COL4A1: variants seen among roughly 807,000 people sequenced by gnomAD.
COL4A1 encodes the protein collagen alpha-1(IV) chain.
A neutral mutation model predicts 216.6 loss-of-function variants in COL4A1; 40 were observed. The observed-to-expected ratio is 0.18, with a 90% confidence interval of 0.14 to 0.24. COL4A1 has a LOEUF of 0.24. Ranked by LOEUF, COL4A1 falls within the 10% of genes least tolerant of loss-of-function variation. The pLI is 1.00. For synonymous variants in COL4A1, 839 were observed against 810.7 expected, an observed-to-expected ratio of 1.03 and a Z score of -0.59; for missense variants, 1,628 against 2,196.8, an observed-to-expected ratio of 0.74 and a Z score of 5.18.
chr13:110,257,390 T>A (rs991734277), intron 1 of COL4A1, among the ~76,000 whole-genome samples: 3 of 152,108 alleles, frequency 2.0e-5, no homozygotes, highest in African/African-American at 7.2e-5. Context: ...AAACTCTCCA[T>A]AAGAATATGG....
intron 1 of COL4A1, among the ~76,000 whole-genome samples, chr13:110,300,027 A>G (rs540894040): frequency 6.6e-6 from 1 of 152,366 alleles, no homozygotes; most frequent in South Asian, 2.1e-4. Context: ...ATCTGAAAAT[A>G]AATTTTGATT....
intron 42 of COL4A1, among the ~76,000 whole-genome samples, 160 bp from the exon 43 acceptor site, chr13:110,169,922 A>AAAGAAGGAGGGAGGG (rs1877530438): frequency 2.8e-5 from 4 of 144,264 alleles, no homozygotes; most frequent in African/African-American, 9.9e-5. Flanking sequence ...TCCAGGAAGG[A>AAAGAAGGAGGGAGGG]AGGAAGGAGG....
chr13:110,203,652 G>T, intron 17 of COL4A1, 45 bp from the exon 18 acceptor site: 1 of 1,602,396 alleles, frequency 6.2e-7, no homozygotes, highest in Non-Finnish European at 8.6e-7. Flanking sequence ...TTACTATAAA[G>T]ATTGTCTTGC....
At chr13:110,192,022 G>C (rs1358321229) in intron 24 of COL4A1, among the ~76,000 whole-genome samples, 192 bp downstream of exon 24, 2 of 152,234 alleles carry the variant, frequency 1.3e-5, no homozygotes, top group Non-Finnish European at 2.9e-5. Flanking sequence ...TTTGGGCTCT[G>C]TGGGTAACAG....
intron 25 of COL4A1, among the ~76,000 whole-genome samples, chr13:110,186,869 CA>C (rs1159317295): frequency 1.3e-5 from 2 of 152,112 alleles, no homozygotes; most frequent in Non-Finnish European, 2.9e-5. Flanking sequence ...CCATCCAAAG[CA>C]AAAAGATACA....
chr13:110,241,582 AAG>A (rs1177648351), intron 2 of COL4A1, among the ~76,000 whole-genome samples: 1 of 152,214 alleles, frequency 6.6e-6, no homozygotes, highest in African/African-American at 2.4e-5. Flanking sequence ...AATCCAAAGT[AAG>A]AGAGCAGAGC....
At chr13:110,222,300 C>G (rs1880521371) in intron 2 of COL4A1, among the ~76,000 whole-genome samples, 1 of 152,152 alleles carries the variant, frequency 6.6e-6, no homozygotes, top group Non-Finnish European at 1.5e-5. Context: ...GGAGAAAACC[C>G]AAACTCTGGC....
intron 1 of COL4A1, among the ~76,000 whole-genome samples, chr13:110,245,131 T>G (rs1881738348): frequency 6.6e-6 from 1 of 152,146 alleles, no homozygotes; most frequent in Non-Finnish European, 1.5e-5. Flanking sequence ...AATGATTACC[T>G]GACTGCTCCA....
At chr13:110,220,634 G>A (rs1051307589) in intron 2 of COL4A1, among the ~76,000 whole-genome samples, 3 of 152,192 alleles carry the variant, frequency 2.0e-5, no homozygotes, top group African/African-American at 4.8e-5. Context: ...TCTAAAGCAC[G>A]TGGGGTTGTT....
chr13:110,242,844 C>G (rs1881626768), intron 1 of COL4A1, 110 bp from the exon 2 acceptor site: 2 of 1,205,444 alleles, frequency 1.7e-6, no homozygotes, highest in South Asian at 2.4e-5. Flanking sequence ...GAAGCCTGCC[C>G]TGTCCTTCGG....
At chr13:110,203,419 G>A (rs574540822) in intron 18 of COL4A1, 147 bp downstream of exon 18, 1 of 810,062 alleles carries the variant, frequency 1.2e-6, no homozygotes, top group African/African-American at 1.7e-5. Flanking sequence ...CTGTGGGTGT[G>A]TGCCCTGCAT....
At position 110,210,187 on chromosome 13, in the gene COL4A1, T is replaced by C. The variant is rs200805263; in HGVS notation, c.494A>G (p.His165Arg). Reference sequence around the variant, plus strand: ...ACCTTTCAACAGCATCCCGGGCACATGGCCAAGTATCTCACCTGGATCACC... The same window carrying C: ...ACCTTTCAACAGCATCCCGGGCACACGGCCAAGTATCTCACCTGGATCACC... ...MKGDPGEILG[H>R]VPGMLLKGER... The change falls in exon 9 of 52, where the codon CAT (histidine) becomes CGT (arginine). Residue 165 changes from histidine (H) to arginine (R), a missense_variant. Physicochemically the swap from His to Arg is conservative, Grantham distance 29. Around this residue, in one of 8 missense-constraint regions of COL4A1, gnomAD observed 150 missense variants for 211.9 expected, o/e 0.71. Transcript: ENST00000375820. The C allele has an allele frequency of 2.8e-4, 445 of 1,613,800 alleles. 6 individuals carry two copies. The South Asian group carries it at 4.6e-3, about 17-fold the overall frequency.
intron 20 of COL4A1, among the ~76,000 whole-genome samples, chr13:110,200,635 G>A (rs1430388923): frequency 6.6e-6 from 1 of 152,114 alleles, no homozygotes; most frequent in Non-Finnish European, 1.5e-5. Flanking sequence ...AGACATAAGG[G>A]TGTACATGTT....
chr13:110,212,724 G>A (rs1277019303), intron 4 of COL4A1, 106 bp from the exon 5 acceptor site: 3 of 1,324,650 alleles, frequency 2.3e-6, no homozygotes, highest in East Asian at 4.6e-5. Context: ...TTTGGTGTCA[G>A]AACACACACA....
intron 24 of COL4A1, chr13:110,191,076 C>T (rs1878606330): frequency 6.6e-6 from 1 of 152,262 alleles, no homozygotes; most frequent in African/African-American, 2.4e-5. Context: ...CAGGGCTACC[C>T]AGTTATTTGA....
intron 22 of COL4A1, among the ~76,000 whole-genome samples, chr13:110,194,185 G>C (rs1197256434): frequency 5.3e-5 from 8 of 152,162 alleles, no homozygotes; most frequent in Non-Finnish European, 1.5e-5. Flanking sequence ...GCCCAAGATC[G>C]CTTCCATTTC....
chr13:110,256,682 G>C (rs1373500931), intron 1 of COL4A1, among the ~76,000 whole-genome samples: 1 of 152,190 alleles, frequency 6.6e-6, no homozygotes, highest in Admixed American at 6.5e-5. Flanking sequence ...GGTCGGCCAT[G>C]GGGTGAGGGG....
intron 1 of COL4A1, among the ~76,000 whole-genome samples, chr13:110,297,935 A>G (rs78837862): frequency 6.7e-6 from 1 of 150,032 alleles, no homozygotes; most frequent in South Asian, 2.1e-4. Context: ...AAAAAAAAAA[A>G]GAGAGAGAGA....
In COL4A1 at chr13:110,284,384, G is replaced by A. The variant is rs561539190; in HGVS notation, c.84+22560C>T. 1.1e-4 allele frequency among the ~76,000 whole-genome samples: 16 copies of A among 152,258 alleles called. No homozygotes were observed. In the South Asian group the frequency reaches 2.7e-3, roughly 26 times the overall value. On this transcript the variant is annotated intron_variant, in intron 1 of 51. Coordinates refer to ENST00000375820, the MANE Select transcript of COL4A1 (RefSeq NM_001845.6). ...TTATAGGTGTTGATTTTGGGGGCTG[G>A]AGGCATAATCCCGAAATCAGTAAGC... is the stretch of plus-strand genomic sequence containing the variant.
Sources: gnomAD v4.1 joint callset for allele counts (sites outside exome capture counted in the v4.1 genomes callset) on GRCh38, gnomAD v4.1.1 for gene constraint, gnomAD v4.1.1 regional missense constraint, MANE v1.5 for transcripts, NCBI Gene and HGNC (gene_info 2026-07-23, HGNC 2026-07-21) for gene names.